PTPN3: variants seen among roughly 807,000 people sequenced by gnomAD.
PTPN3 encodes tyrosine-protein phosphatase non-receptor type 3.
PTPN3 carries 96 observed loss-of-function variants against 132.7 expected under a neutral mutation model. That is an observed-to-expected ratio of 0.72 (90% CI 0.61 to 0.86). The LOEUF is 0.86. PTPN3 is among the 40% of genes least tolerant of loss of function. The probability of loss-of-function intolerance (pLI) is 0.00; values close to 1 mark genes in which losing one functional copy is unlikely to be tolerated. For synonymous variants in PTPN3, 398 were observed against 429.0 expected (o/e 0.93, Z 0.89); for missense variants, 1,125 against 1,159.6 (o/e 0.97, Z 0.43).
chr9:109,416,665 T>G (rs916889570), intron 14 of PTPN3, among the ~76,000 whole-genome samples: 2 of 151,986 alleles, frequency 1.3e-5, no homozygotes, highest in African/African-American at 4.8e-5. Flanking sequence ...CAGGCTGGTT[T>G]TGAACTCCTG....
intron 1 of PTPN3, among the ~76,000 whole-genome samples, chr9:109,482,589 G>T (rs916590761): frequency 6.6e-6 from 1 of 152,114 alleles, no homozygotes; most frequent in Non-Finnish European, 1.5e-5. Context: ...TGGTGCTAGG[G>T]TGTTAAACTG....
intron 19 of PTPN3, among the ~76,000 whole-genome samples, chr9:109,399,249 C>T (rs1021036749): frequency 6.6e-6 from 1 of 152,174 alleles, no homozygotes; most frequent in Non-Finnish European, 1.5e-5. Context: ...GAAGCCTCAA[C>T]CTCCGAGGCT....
intron 14 of PTPN3, among the ~76,000 whole-genome samples, chr9:109,411,549 T>C (rs945770098): frequency 6.6e-6 from 1 of 152,020 alleles, no homozygotes; most frequent in Non-Finnish European, 1.5e-5. Flanking sequence ...ACTATGGGGC[T>C]CTCCTACATT....
chr9:109,494,269 G>C (rs2132128992), intron 1 of PTPN3, among the ~76,000 whole-genome samples: 1 of 152,290 alleles, frequency 6.6e-6, no homozygotes, highest in South Asian at 2.1e-4. Context: ...CCAGGAGTTC[G>C]AGACCAGCTT....
At chr9:109,533,029 C>A in the PTPN3 span, 1 of 329,114 alleles carries the variant, frequency 3.0e-6, no homozygotes, top group Non-Finnish European at 4.8e-6. Context: ...GATCTCGGCT[C>A]ACTGCAACCT....
intron 1 of PTPN3, among the ~76,000 whole-genome samples, chr9:109,479,302 C>T (rs1054533911): frequency 6.6e-6 from 1 of 152,184 alleles, no homozygotes; most frequent in African/African-American, 2.4e-5. Context: ...TTGAGTCTGG[C>T]TTATTTCACT....
At chr9:109,532,700 G>T in the PTPN3 span, 1 of 244,938 alleles carries the variant, frequency 4.1e-6, no homozygotes, top group Non-Finnish European at 8.1e-6. Flanking sequence ...TATTTATCTG[G>T]TCAATGGGCA....
At chr9:109,445,196 C>G (rs749026658) in intron 7 of PTPN3, 44 bp downstream of exon 7, 1 of 1,581,118 alleles carries the variant, frequency 6.3e-7, no homozygotes, top group Non-Finnish European at 8.7e-7. Context: ...ACACACTGAT[C>G]AGAACAACCT....
At position 109,428,662 on chromosome 9, in the gene PTPN3, A is replaced by T. The variant is rs757508296; in HGVS notation, c.787T>A (p.Phe263Ile). 3.7e-6 allele frequency: 6 copies of T among 1,613,730 alleles called. No individual in the cohort carries two copies. The East Asian group carries it at 1.3e-4, about 36-fold the overall frequency. The change falls in exon 11 of 26, where the codon TTC (phenylalanine) becomes ATC (isoleucine). Residue 263 changes from phenylalanine (F) to isoleucine (I), a missense_variant. By Grantham distance (21) the Phe-to-Ile change is conservative. Transcript: ENST00000374541. Reference protein sequence around the residue: ...YPWVNILKISFKRKKFFIHQR... With the variant: ...YPWVNILKISIKRKKFFIHQR... Reference sequence around the variant, plus strand: ...TGTATGAAGAACTTTTTCCTTTTGAAAGAAATTTTGAGAATGTTCACCCTT... The same window carrying T: ...TGTATGAAGAACTTTTTCCTTTTGATAGAAATTTTGAGAATGTTCACCCTT...
At chr9:109,464,128 A>T (rs1313961318) in intron 1 of PTPN3, among the ~76,000 whole-genome samples, 1 of 152,230 alleles carries the variant, frequency 6.6e-6, no homozygotes, top group East Asian at 1.9e-4. Flanking sequence ...AAGACTGGCA[A>T]AACCACGGAG....
intron 14 of PTPN3, among the ~76,000 whole-genome samples, chr9:109,414,873 A>G (rs1310732948): frequency 6.6e-6 from 1 of 152,136 alleles, no homozygotes; most frequent in Non-Finnish European, 1.5e-5. Flanking sequence ...GTCAAAGTAA[A>G]TATGTTTGAG....
the PTPN3 span, among the ~76,000 whole-genome samples, chr9:109,516,306 T>C: frequency 2.6e-5 from 4 of 152,116 alleles, no homozygotes; most frequent in South Asian, 8.3e-4. Flanking sequence ...AGATAAACTA[T>C]TATAAGGTGG....
At chr9:109,509,499 A>G in the PTPN3 span, among the ~76,000 whole-genome samples, 9,759 of 152,230 alleles carry the variant, frequency 0.064, 369 homozygotes, top group South Asian at 0.16. Context: ...TGCTACTCCA[A>G]CTGTTAACTG....
upstream of PTPN3, among the ~76,000 whole-genome samples, chr9:109,499,332 G>GT (rs541582163): frequency 1.6e-4 from 25 of 152,214 alleles, no homozygotes; most frequent in South Asian, 4.6e-3. Context: ...GGTGATAGTG[G>GT]TATTTCAGCC....
At chr9:109,381,261 C>T (rs773976148) in intron 25 of PTPN3, among the ~76,000 whole-genome samples, 15 of 152,056 alleles carry the variant, frequency 9.9e-5, no homozygotes, top group Admixed American at 7.9e-4. Flanking sequence ...CTGGCCTGCC[C>T]GTGGAGGACA....
chr9:109,504,292 C>G, the PTPN3 span, among the ~76,000 whole-genome samples: 3 of 152,098 alleles, frequency 2.0e-5, no homozygotes, highest in African/African-American at 7.2e-5. Flanking sequence ...CCCGTAGGGC[C>G]CTCCCTTCAT....
At chr9:109,532,726 A>T in the PTPN3 span, 1 of 290,222 alleles carries the variant, frequency 3.4e-6, no homozygotes, top group Non-Finnish European at 6.3e-6. Context: ...CAAGCACTTA[A>T]GGTCTTCAGC....
At chr9:109,396,528 G>A (rs1035219233) in intron 19 of PTPN3, among the ~76,000 whole-genome samples, 1 of 151,922 alleles carries the variant, frequency 6.6e-6, no homozygotes, top group Non-Finnish European at 1.5e-5. Context: ...TGAGAGGCAG[G>A]GTCACAGGGA....
Position 109,391,360 on chromosome 9 carries a change from G to A in PTPN3, c.2044+111C>T, listed in dbSNP as rs779547682. On this transcript the variant is annotated intron_variant, in intron 20 of 25. Coordinates refer to ENST00000374541, the MANE Select transcript of PTPN3 (RefSeq NM_002829.4). ...CTGAAATGGCTGCAATAAAGACGGT[G>A]GTGTTTACAGACACACTGAAAATCG... 3.9e-5 allele frequency: 51 copies of A among 1,298,706 alleles called. No homozygotes were observed. The Middle Eastern group carries it at 1.1e-3, about 28-fold the overall frequency. 80.4% of individuals were successfully genotyped at this position (1,298,706 alleles called of 1,614,324 possible). A position where few individuals can be genotyped will look rare whatever the true frequency, so the allele number is the denominator to read the frequency against.
Sources: allele counts gnomAD v4.1 joint callset (sites outside exome capture counted in the v4.1 genomes callset), GRCh38; gene constraint gnomAD v4.1.1; transcripts MANE v1.5; gene names NCBI Gene and HGNC (gene_info 2026-07-23, HGNC 2026-07-21).